Variants in CNTNAP2 observed in about 807,000 individuals in gnomAD.
CNTNAP2 encodes the protein contactin-associated protein-like 2.
In CNTNAP2, 98 loss-of-function variants were observed where a neutral mutation model predicts 155.2. That is an observed-to-expected ratio of 0.63 (90% CI 0.54 to 0.75). CNTNAP2 has a LOEUF of 0.75. Ranked by LOEUF, CNTNAP2 falls within the 30% of genes least tolerant of loss-of-function variation. The pLI, the probability that CNTNAP2 is intolerant of heterozygous loss-of-function variation, is 0.00. For synonymous variants in CNTNAP2, 651 were observed against 631.2 expected, an observed-to-expected ratio of 1.03 and a Z score of -0.47; for missense variants, 1,727 against 1,688.1, an observed-to-expected ratio of 1.02 and a Z score of -0.40.
chr7:146,939,342 A>G (rs780664101), intron 3 of CNTNAP2, among the ~76,000 whole-genome samples: 10 of 152,206 alleles, frequency 6.6e-5, no homozygotes, highest in Non-Finnish European at 1.5e-5. Flanking sequence ...ATCTATAACT[A>G]GCAAATAGAG....
chr7:147,856,148 C>T (rs1386818410), intron 13 of CNTNAP2, among the ~76,000 whole-genome samples: 2 of 152,066 alleles, frequency 1.3e-5, no homozygotes, highest in Non-Finnish European at 2.9e-5. Flanking sequence ...CTTCAACCGG[C>T]CGACCCTGCT....
intron 12 of CNTNAP2, among the ~76,000 whole-genome samples, chr7:147,613,170 G>A (rs1801219778): frequency 6.6e-6 from 1 of 152,120 alleles, no homozygotes; most frequent in South Asian, 2.1e-4. Context: ...ACATTTTTAA[G>A]TATTTGCCAA....
At chr7:147,394,611 G>A (rs1796779167) in intron 9 of CNTNAP2, among the ~76,000 whole-genome samples, 1 of 151,920 alleles carries the variant, frequency 6.6e-6, no homozygotes, top group South Asian at 2.1e-4. Flanking sequence ...TAATGGGATT[G>A]AAAAATATCA....
chr7:146,742,340 C>G (rs1204275083), intron 1 of CNTNAP2, among the ~76,000 whole-genome samples: 1 of 152,056 alleles, frequency 6.6e-6, no homozygotes, highest in Non-Finnish European at 1.5e-5. Flanking sequence ...AACCACTGAC[C>G]ACCAGTATGT....
intron 1 of CNTNAP2, among the ~76,000 whole-genome samples, chr7:146,274,997 A>G (rs572993379): frequency 6.6e-6 from 1 of 152,312 alleles, no homozygotes; most frequent in East Asian, 1.9e-4. Flanking sequence ...GGCTTTTGGC[A>G]CTTAATAAGC....
At chr7:146,144,292 C>CT (rs1271264388) in intron 1 of CNTNAP2, among the ~76,000 whole-genome samples, 1 of 152,024 alleles carries the variant, frequency 6.6e-6, no homozygotes, top group Non-Finnish European at 1.5e-5. Context: ...GCTGGAACCA[C>CT]AGGTGCGCAC....
intron 9 of CNTNAP2, among the ~76,000 whole-genome samples, chr7:147,368,910 G>A (rs184362283): frequency 8.9e-4 from 135 of 152,242 alleles, no homozygotes; most frequent in Non-Finnish European, 9.9e-4. Context: ...TTTCCTTGGG[G>A]ACCCACAGTA....
intron 2 of CNTNAP2, among the ~76,000 whole-genome samples, chr7:146,831,820 A>G (rs904555441): frequency 7.9e-5 from 12 of 152,164 alleles, no homozygotes; most frequent in African/African-American, 2.9e-4. Context: ...GTTGGTAGAA[A>G]TGGGTGACAA....
intron 15 of CNTNAP2, among the ~76,000 whole-genome samples, chr7:148,075,360 C>A (rs1252837636): frequency 6.6e-6 from 1 of 152,094 alleles, no homozygotes; most frequent in Non-Finnish European, 1.5e-5. Flanking sequence ...TCGCTTGAAC[C>A]CGGGAGACAG....
chr7:148,358,427 G>A (rs1798558896), intron 21 of CNTNAP2, among the ~76,000 whole-genome samples: 1 of 152,080 alleles, frequency 6.6e-6, no homozygotes, highest in Non-Finnish European at 1.5e-5. Flanking sequence ...AATGGGAGAC[G>A]GGAGCATTTG....
chr7:146,197,965 TG>T (rs1798799862), intron 1 of CNTNAP2, among the ~76,000 whole-genome samples: 1 of 152,050 alleles, frequency 6.6e-6, no homozygotes, highest in African/African-American at 2.4e-5. Flanking sequence ...GAGCAAGGCA[TG>T]TCTTACATGG....
intron 10 of CNTNAP2, among the ~76,000 whole-genome samples, chr7:147,396,679 C>A (rs1160679569): frequency 1.3e-5 from 2 of 151,914 alleles, no homozygotes; most frequent in African/African-American, 4.8e-5. Flanking sequence ...CCACTATGAA[C>A]AAGTTTCATT....
intron 1 of CNTNAP2, among the ~76,000 whole-genome samples, chr7:146,499,867 C>G (rs79598614): frequency 0.089 from 13,521 of 152,120 alleles, 1,596 homozygotes; most frequent in African/African-American, 0.27. Context: ...TCTTTCATTT[C>G]TTTGGGTCTT....
At chr7:147,573,529 G>A (rs560411318) in intron 12 of CNTNAP2, among the ~76,000 whole-genome samples, 1 of 152,226 alleles carries the variant, frequency 6.6e-6, no homozygotes, top group African/African-American at 2.4e-5. Flanking sequence ...CTAGGACAAG[G>A]CAGCATAATT....
intron 3 of CNTNAP2, among the ~76,000 whole-genome samples, chr7:146,903,324 T>C (rs1294597294): frequency 6.6e-6 from 1 of 152,174 alleles, no homozygotes; most frequent in African/African-American, 2.4e-5. Context: ...CTGAAAACTC[T>C]CTAATTTATA....
At chr7:146,671,195 A>T (rs1210407902) in intron 1 of CNTNAP2, among the ~76,000 whole-genome samples, 1 of 152,166 alleles carries the variant, frequency 6.6e-6, no homozygotes, top group Admixed American at 6.5e-5. Flanking sequence ...TTCTCTAGAC[A>T]GTGAAGTCAT....
intron 3 of CNTNAP2, among the ~76,000 whole-genome samples, chr7:146,952,696 A>C (rs1346400209): frequency 6.6e-6 from 1 of 152,166 alleles, no homozygotes; most frequent in Non-Finnish European, 1.5e-5. Flanking sequence ...ACAGAAAATA[A>C]AATACCTAAG....
intron 9 of CNTNAP2, among the ~76,000 whole-genome samples, chr7:147,344,059 G>A (rs992973246): frequency 5.3e-5 from 8 of 152,152 alleles, no homozygotes; most frequent in African/African-American, 7.2e-5. Context: ...TGAGGCTAAG[G>A]GAGGTTAAGC....
rs144083077 is a variant in CNTNAP2 at position 146,540,634 on chromosome 7, G to A, written c.98-233637G>A. On this transcript the variant is annotated intron_variant, in intron 1 of 23. Transcript: ENST00000361727. ...GGCATAGATATTGACTCCAAAGAGA[G>A]GAAGTGATTAAAATCTACCCCCATT... 2.7e-4 allele frequency among the ~76,000 whole-genome samples: 41 copies of A among 152,028 alleles called. 1 individual carries two copies. In the Middle Eastern group the frequency reaches 0.01, roughly 38 times the overall value.
Sources: allele counts gnomAD v4.1 joint callset (sites outside exome capture counted in the v4.1 genomes callset), GRCh38; gene constraint gnomAD v4.1.1; transcripts MANE v1.5; gene names NCBI Gene and HGNC (gene_info 2026-07-23, HGNC 2026-07-21).